Variants in PTPRD observed in about 807,000 individuals in gnomAD.
PTPRD encodes receptor-type tyrosine-protein phosphatase delta.
PTPRD carries 34 observed loss-of-function variants against 214.5 expected under a neutral mutation model. The observed-to-expected ratio is 0.16, with a 90% CI of 0.12 to 0.21. The LOEUF is 0.21. PTPRD is among the 10% of genes least tolerant of loss of function. The pLI is 1.00. For missense variants in PTPRD, 2,545 were observed against 2,398.7 expected (o/e 1.06, Z -1.27); for synonymous variants, 1,128 against 845.7 (o/e 1.33, Z -5.79).
At chr9:9,104,236 G>C (rs2099795349) in intron 10 of PTPRD, among the ~76,000 whole-genome samples, 1 of 152,106 alleles carries the variant, frequency 6.6e-6, no homozygotes, top group Non-Finnish European at 1.5e-5. Context: ...AAGTGTGGCT[G>C]TGTTCCAATA....
At chr9:8,400,320 A>G (rs917162700) in intron 36 of PTPRD, among the ~76,000 whole-genome samples, 1 of 152,152 alleles carries the variant, frequency 6.6e-6, no homozygotes, top group African/African-American at 2.4e-5. Context: ...GATACATACA[A>G]CAATATTTAA....
chr9:9,554,975 T>C (rs1035362671), intron 8 of PTPRD, among the ~76,000 whole-genome samples: 1 of 151,894 alleles, frequency 6.6e-6, no homozygotes, highest in African/African-American at 2.4e-5. Context: ...TTTATATCTA[T>C]GATTTTGTCT....
At chr9:9,802,792 C>T (rs1273192892) in intron 5 of PTPRD, among the ~76,000 whole-genome samples, 2 of 151,774 alleles carry the variant, frequency 1.3e-5, no homozygotes, top group African/African-American at 4.8e-5. Context: ...CACATGCTGG[C>T]AACCTCCCCC....
intron 5 of PTPRD, among the ~76,000 whole-genome samples, chr9:9,926,399 G>T (rs905362561): frequency 6.6e-6 from 1 of 152,044 alleles, no homozygotes; most frequent in African/African-American, 2.4e-5. Context: ...TGTTGAAGGG[G>T]ATAAAGCCAG....
intron 14 of PTPRD, among the ~76,000 whole-genome samples, chr9:8,533,092 C>T (rs577634749): frequency 5.7e-4 from 86 of 152,154 alleles, no homozygotes; most frequent in African/African-American, 1.9e-3. Flanking sequence ...ATGATTTGTT[C>T]ACTTAAACTG....
chr9:10,278,882 C>T (rs893919058), intron 3 of PTPRD, among the ~76,000 whole-genome samples: 6 of 152,060 alleles, frequency 3.9e-5, no homozygotes, highest in Non-Finnish European at 7.4e-5. Context: ...TCAAGCCATT[C>T]TCCTGCCTCA....
intron 9 of PTPRD, among the ~76,000 whole-genome samples, chr9:9,312,569 A>G (rs1297966644): frequency 6.6e-6 from 1 of 152,082 alleles, no homozygotes; most frequent in African/African-American, 2.4e-5. Context: ...AAAGATGTGC[A>G]TGTTAGGTGA....
At chr9:8,515,626 A>C (rs146684312) in intron 21 of PTPRD, among the ~76,000 whole-genome samples, 37 of 152,332 alleles carry the variant, frequency 2.4e-4, no homozygotes, top group African/African-American at 8.4e-4. Context: ...GAAGAACATA[A>C]TGTAAAGATG....
At chr9:8,670,686 G>A (rs1596511124) in intron 12 of PTPRD, among the ~76,000 whole-genome samples, 2 of 152,130 alleles carry the variant, frequency 1.3e-5, no homozygotes, top group Admixed American at 1.3e-4. Flanking sequence ...CATTTACAGT[G>A]TTCCAAAAGA....
chr9:8,992,519 T>G lies in PTPRD; in HGVS notation c.-104+26178A>C, dbSNP rs543284892. Among the ~76,000 whole-genome samples the G allele has an allele frequency of 6.6e-5, 10 of 152,248 alleles. No homozygotes were observed. In the South Asian group the frequency reaches 1.5e-3, roughly 22 times the overall value. ...ACTGTAAGACCTTCGGCTATTCTAT[T>G]TTACTTCTCATTAATACTAGAGGTT... On this transcript the variant is annotated intron_variant, in intron 11 of 45. Coordinates refer to ENST00000381196, the MANE Select transcript of PTPRD (RefSeq NM_002839.4).
intron 8 of PTPRD, among the ~76,000 whole-genome samples, chr9:9,517,838 G>T (rs1316686251): frequency 6.6e-6 from 1 of 151,886 alleles, no homozygotes; most frequent in Non-Finnish European, 1.5e-5. Flanking sequence ...AATAGACAAT[G>T]CTTACACAAG....
intron 9 of PTPRD, among the ~76,000 whole-genome samples, chr9:9,219,096 C>A (rs2099954185): frequency 6.6e-6 from 1 of 152,096 alleles, no homozygotes; most frequent in African/African-American, 2.4e-5. Flanking sequence ...TACATTATTA[C>A]ATATGCATAA....
chr9:10,036,172 A>T (rs1281093495), intron 3 of PTPRD, among the ~76,000 whole-genome samples: 1 of 152,208 alleles, frequency 6.6e-6, no homozygotes, highest in East Asian at 1.9e-4. Context: ...TTATTTTAAT[A>T]AAAGTCAGAA....
chr9:8,791,376 C>T (rs1217194115), intron 11 of PTPRD, among the ~76,000 whole-genome samples: 1 of 151,946 alleles, frequency 6.6e-6, no homozygotes, highest in African/African-American at 2.4e-5. Context: ...CAGGCGCACA[C>T]CATCACACCC....
At chr9:10,602,024 A>G (rs1024970568) in intron 2 of PTPRD, among the ~76,000 whole-genome samples, 1 of 151,844 alleles carries the variant, frequency 6.6e-6, no homozygotes, top group Non-Finnish European at 1.5e-5. Context: ...TTTGGTGCTC[A>G]TGAAATAAAT....
At chr9:8,482,122 T>A (rs539246687) in intron 30 of PTPRD, among the ~76,000 whole-genome samples, 1 of 152,298 alleles carries the variant, frequency 6.6e-6, no homozygotes, top group African/African-American at 2.4e-5. Context: ...CACTTCTAAC[T>A]AGGTATTTCA....
intron 9 of PTPRD, among the ~76,000 whole-genome samples, chr9:9,386,114 A>C (rs2063787585): frequency 6.6e-6 from 1 of 152,152 alleles, no homozygotes; most frequent in African/African-American, 2.4e-5. Flanking sequence ...GCTTAGGTGA[A>C]ATTGTATTAC....
intron 2 of PTPRD, among the ~76,000 whole-genome samples, chr9:10,601,689 C>G (rs749341258): frequency 1.3e-4 from 19 of 151,540 alleles, no homozygotes; most frequent in Non-Finnish European, 2.2e-4. Context: ...TATTTGAGGA[C>G]TTCTTTGTGT....
At chr9:9,464,699 T>G (rs137939239) in intron 8 of PTPRD, among the ~76,000 whole-genome samples, 1 of 152,332 alleles carries the variant, frequency 6.6e-6, no homozygotes, top group African/African-American at 2.4e-5. Flanking sequence ...AATCACATTA[T>G]CCAGTCAAAT....
Sources: gnomAD v4.1 joint callset for allele counts (sites outside exome capture counted in the v4.1 genomes callset) on GRCh38, gnomAD v4.1.1 for gene constraint, MANE v1.5 for transcripts, NCBI Gene and HGNC (gene_info 2026-07-23, HGNC 2026-07-21) for gene names.